IQSEC1: variants seen among roughly 807,000 people sequenced by gnomAD.
The protein encoded by IQSEC1 is IQ motif and Sec7 domain ArfGEF 1, also known as IQ motif and SEC7 domain-containing protein 1.
IQSEC1 carries 31 observed loss-of-function variants against 91.0 expected under a neutral mutation model. That is an observed-to-expected ratio of 0.34 (90% CI 0.26 to 0.46). The LOEUF (loss-of-function observed/expected upper bound fraction) is 0.46, where lower values mean the gene tolerates loss of function less well. IQSEC1 is among the 20% of genes least tolerant of loss of function. IQSEC1 has a pLI of 1.00. For missense variants in IQSEC1, 1,388 were observed against 1,575.6 expected, an observed-to-expected ratio of 0.88 and a Z score of 2.02; for synonymous variants, 699 against 662.6, an observed-to-expected ratio of 1.05 and a Z score of -0.84.
chr3:13,126,646 T>A (rs1209508604), intron 2 of IQSEC1, among the ~76,000 whole-genome samples: 2 of 152,248 alleles, frequency 1.3e-5, no homozygotes, highest in African/African-American at 4.8e-5. Flanking sequence ...CACCAGCAGA[T>A]GATGAAAGTT....
Position 12,913,339 on chromosome 3 carries a change from G to A in IQSEC1, c.2316+89C>T, listed in dbSNP as rs114265900. 1.3e-3 allele frequency: 1,757 copies of A among 1,402,274 alleles called. 23 individuals are homozygous for A. The African/African-American group carries it at 0.022, about 18-fold the overall frequency. The allele number at this position is 1,402,274 out of a possible 1,614,324, so 86.9% of individuals were successfully genotyped here. A position where few individuals can be genotyped will look rare whatever the true frequency, so the allele number is the denominator to read the frequency against. On this transcript the variant is annotated intron_variant, in intron 9 of 13. Transcript: ENST00000613206. ...CTCCCTTTTGCACCCCCACATGCAT[G>A]CACATCTTCCCCACGCAGACAGCCA...
At chr3:13,088,957 CAG>C (rs1308698472) in intron 2 of IQSEC1, among the ~76,000 whole-genome samples, 3 of 152,266 alleles carry the variant, frequency 2.0e-5, no homozygotes, top group Admixed American at 2.0e-4. Context: ...AAGGGCTGGA[CAG>C]AGACAGCAGC....
Position 12,915,108 on chromosome 3 carries a change from C to T in IQSEC1, c.2186G>A (p.Gly729Asp). ...KPIGSLHPGL[G>D]CVLSLPHRRL... is the part of the protein sequence containing the mutation. ...TAAAACCAGAGAAATACTCACACAGCCGAGCCCGGGATGCAGGGATCCGAT... is the reference window on the plus strand; with the variant it reads ...TAAAACCAGAGAAATACTCACACAGTCGAGCCCGGGATGCAGGGATCCGAT... The change falls in exon 8 of 14, where the codon GGC (glycine) becomes GAC (aspartate). Residue 729 changes from glycine (G) to aspartate (D), a missense_variant. Coordinates refer to ENST00000613206, the MANE Select transcript of IQSEC1 (RefSeq NM_001134382.3). The T allele has an allele frequency of 6.2e-7, 1 of 1,607,606 alleles. No homozygotes were observed. The highest frequency in any genetic ancestry group is 8.5e-7 in the Non-Finnish European group (1 of 1,176,436).
chr3:12,971,289 T>C (rs1700879762), intron 1 of IQSEC1, among the ~76,000 whole-genome samples: 1 of 152,186 alleles, frequency 6.6e-6, no homozygotes, highest in South Asian at 2.1e-4. Context: ...ACTGAAATGA[T>C]AGGGCTGGGC....
intron 2 of IQSEC1, among the ~76,000 whole-genome samples, chr3:13,091,853 T>A (rs1016597719): frequency 1.3e-5 from 2 of 149,518 alleles, no homozygotes; most frequent in Non-Finnish European, 3.0e-5. Context: ...GAAAGCCACA[T>A]CCTCTGTGGA....
intron 1 of IQSEC1, among the ~76,000 whole-genome samples, chr3:13,237,795 G>A (rs973669866): frequency 2.0e-5 from 3 of 152,180 alleles, no homozygotes; most frequent in East Asian, 3.9e-4. Context: ...TAGCTCCTGC[G>A]AGCTCTGGCA....
chr3:13,057,862 C>A (rs1285129626), intron 1 of IQSEC1, among the ~76,000 whole-genome samples: 1 of 152,250 alleles, frequency 6.6e-6, no homozygotes, highest in Non-Finnish European at 1.5e-5. Flanking sequence ...TGCCTGCACT[C>A]AGCAACTACA....
At chr3:12,984,111 T>A (rs535484671) in intron 1 of IQSEC1, among the ~76,000 whole-genome samples, 1 of 152,234 alleles carries the variant, frequency 6.6e-6, no homozygotes, top group East Asian at 1.9e-4. Context: ...CAAGGTCAGG[T>A]CCATGGTCCA....
At chr3:13,272,716 T>C (rs770391739) in intron 1 of IQSEC1, among the ~76,000 whole-genome samples, 3 of 152,304 alleles carry the variant, frequency 2.0e-5, no homozygotes, top group African/African-American at 7.2e-5. Context: ...TGTGAGCATG[T>C]CATGGGCTGT....
At chr3:13,180,139 G>A (rs558616469) in intron 1 of IQSEC1, among the ~76,000 whole-genome samples, 9 of 152,326 alleles carry the variant, frequency 5.9e-5, no homozygotes, top group South Asian at 2.1e-4. Flanking sequence ...TCCACCTGCC[G>A]CCCCAGTGCG....
intron 3 of IQSEC1, among the ~76,000 whole-genome samples, chr3:12,934,326 C>T (rs1231519314): frequency 6.6e-6 from 1 of 152,222 alleles, no homozygotes; most frequent in African/African-American, 2.4e-5. Flanking sequence ...CCCAGAGGCT[C>T]TTCCTGAGAC....
In IQSEC1 at chr3:12,914,007, A is replaced by T. The variant is rs115623322; in HGVS notation, c.2191-454T>A. ...TCTAGATGAGGAAAAACTGAGGCAC[A>T]GAAGTAACGACAAAACTAGGAAGTG... On this transcript the variant is annotated intron_variant, in intron 8 of 13. Transcript: ENST00000613206. Among the ~76,000 whole-genome samples the T allele has an allele frequency of 6.2e-4, 95 of 152,346 alleles. 1 individual carries two copies. Among genetic ancestry groups the T allele is most frequent in the African/African-American group, 2.1e-3 (89 of 41,572 alleles).
chr3:12,899,809 C>A lies in IQSEC1; in HGVS notation c.*1174G>T. On this transcript the variant is annotated 3_prime_UTR_variant, in exon 14 of 14. Coordinates refer to ENST00000613206, the MANE Select transcript of IQSEC1 (RefSeq NM_001134382.3). ...GAAAACACTCTCTGAGGGCTTCGGCCTGGTGTGGGTTGGAGGCGGGATGAG... is the reference window on the plus strand; with the variant it reads ...GAAAACACTCTCTGAGGGCTTCGGCATGGTGTGGGTTGGAGGCGGGATGAG... The A allele has an allele frequency of 1.0e-6, 1 of 985,316 alleles. No individual in the cohort carries two copies. The highest frequency in any genetic ancestry group is 1.2e-6 in the Non-Finnish European group (1 of 829,926). The allele number at this position is 985,316 out of a possible 1,614,324, so 61.0% of individuals were successfully genotyped here.
intron 2 of IQSEC1, among the ~76,000 whole-genome samples, chr3:13,109,645 C>T (rs570347592): frequency 1.3e-5 from 2 of 152,120 alleles, no homozygotes; most frequent in East Asian, 3.9e-4. Flanking sequence ...TGACCCTCCT[C>T]TCTCTCTCCT....
intron 1 of IQSEC1, among the ~76,000 whole-genome samples, chr3:13,013,873 G>C (rs1459876495): frequency 6.6e-6 from 1 of 152,208 alleles, no homozygotes; most frequent in Non-Finnish European, 1.5e-5. Flanking sequence ...GTGCTTAAAG[G>C]CTCCTGGTTA....
intron 1 of IQSEC1, among the ~76,000 whole-genome samples, chr3:13,009,525 C>T (rs1439097867): frequency 6.6e-6 from 1 of 151,918 alleles, no homozygotes; most frequent in Non-Finnish European, 1.5e-5. Flanking sequence ...TGGGGTAACT[C>T]CCCCGGAAAT....
At chr3:12,916,682 T>C (rs781590169) in intron 6 of IQSEC1, among the ~76,000 whole-genome samples, 18 of 152,164 alleles carry the variant, frequency 1.2e-4, no homozygotes, top group African/African-American at 3.1e-4. Context: ...ACTTATCCCA[T>C]GGGAAATGAG....
Position 12,993,421 on chromosome 3 carries a change from C to A in IQSEC1, c.24-51556G>T, listed in dbSNP as rs76459885. On this transcript the variant is annotated intron_variant, in intron 1 of 13. Coordinates refer to ENST00000613206, the MANE Select transcript of IQSEC1 (RefSeq NM_001134382.3). The stretch of plus-strand genomic sequence containing the variant: ...CCGCTCGCAGGCTCGGGACCCTGGA[C>A]GCGGTGGCGGGATTTCTCCGCCCGG... Among the ~76,000 whole-genome samples the A allele has an allele frequency of 3.1e-3, 440 of 143,826 alleles. 3 individuals are homozygous for A. The highest frequency in any genetic ancestry group is 0.011 in the African/African-American group (420 of 39,508). The allele number at this position is 143,826 out of a possible 152,430, so 94.4% of individuals were successfully genotyped here.
In IQSEC1 at chr3:12,935,849, C is replaced by T; in HGVS notation, c.1167G>A (p.Arg389=). 6.2e-7 allele frequency: 1 copy of T among 1,608,242 alleles called. No homozygotes were observed. Among genetic ancestry groups the T allele is most frequent in the South Asian group, 1.1e-5 (1 of 91,084 alleles). ...CAAGGCTGCGCTCGTAAGCACTCTG[C>T]CTCTTGAGTGACCCCCGCTCCGAGC... ...SDRSERGSLK[R]QSAYERSLGG... is the part of the protein sequence containing the mutation. Residue 389 remains arginine, a synonymous_variant, in exon 3 of 14, where the codon AGG becomes AGA. Transcript: ENST00000613206. The surrounding 1 kb of genome is among the most constrained non-coding windows in gnomAD (Gnocchi z 8.0).
Sources: allele counts gnomAD v4.1 joint callset (sites outside exome capture counted in the v4.1 genomes callset), GRCh38; gene constraint gnomAD v4.1.1; non-coding constraint Gnocchi (gnomAD v3.1); transcripts MANE v1.5; gene names NCBI Gene and HGNC (gene_info 2026-07-23, HGNC 2026-07-21).